The following NEK6 variants were observed in gnomAD, a reference collection of about 807,000 sequenced individuals.
NEK6 encodes the protein NIMA related kinase 6.
A neutral mutation model predicts 43.5 loss-of-function variants in NEK6; 27 were observed. That is an observed-to-expected ratio of 0.62 (90% confidence interval 0.46 to 0.86). NEK6 has a LOEUF of 0.86. Ranked by LOEUF, NEK6 falls within the 40% of genes least tolerant of loss-of-function variation. The pLI is 0.00. For synonymous variants in NEK6, 167 were observed against 164.1 expected (o/e 1.02, Z -0.14); for missense variants, 318 against 414.4 (o/e 0.77, Z 2.02).
At chr9:124,282,500 C>T (rs1831962104) in intron 1 of NEK6, among the ~76,000 whole-genome samples, 1 of 152,160 alleles carries the variant, frequency 6.6e-6, no homozygotes, top group Admixed American at 6.5e-5. Context: ...ACTCTGGGGG[C>T]GTAAGGGATG....
At chr9:124,320,319 C>T (rs1041699590) in intron 4 of NEK6, among the ~76,000 whole-genome samples, 32 of 152,284 alleles carry the variant, frequency 2.1e-4, no homozygotes, top group African/African-American at 7.2e-4. Flanking sequence ...TGCTCTGGCC[C>T]CCAGGGCCCA....
intron 1 of NEK6, among the ~76,000 whole-genome samples, chr9:124,258,792 G>A (rs1435659714): frequency 2.0e-5 from 3 of 152,222 alleles, no homozygotes; most frequent in African/African-American, 4.8e-5. Context: ...AGAGGCAAAG[G>A]TCTTAGAGCC....
At chr9:124,335,270 G>A (rs921170643) in intron 7 of NEK6, among the ~76,000 whole-genome samples, 7 of 151,876 alleles carry the variant, frequency 4.6e-5, no homozygotes, top group East Asian at 1.9e-4. Flanking sequence ...TTGCTCCCTC[G>A]TGACCAAAAT....
chr9:124,350,936 T>G lies in NEK6; in HGVS notation c.931T>G (p.Ser311Ala). Residue 311 changes from serine (S) to alanine (A), a missense_variant, in exon 10 of 10, where the codon TCC (serine) becomes GCC (alanine). Physicochemically the swap from Ser to Ala is moderately conservative, Grantham distance 99. Transcript: ENST00000320246. ...QVAKQMHIWM[S>A]ST is the part of the protein sequence containing the mutation. ...GGCCAAGCAGATGCACATCTGGATG[T>G]CCAGCACCTGAGCGTGGATGCACCG... is the stretch of plus-strand genomic sequence containing the variant. 6.2e-7 allele frequency: 1 copy of G among 1,608,450 alleles called. No individual in the cohort carries two copies. Among genetic ancestry groups the G allele is most frequent in the Non-Finnish European group, 8.5e-7 (1 of 1,179,010 alleles).
In NEK6 at chr9:124,347,930, C is replaced by T. The variant is rs867390573; in HGVS notation, c.831+108C>T. The T allele has an allele frequency of 1.2e-5, 8 of 667,548 alleles. No homozygotes were observed. The Middle Eastern group carries it at 1.7e-3, about 142-fold the overall frequency. The allele number at this position is 667,548 out of a possible 1,614,324, so 41.4% of individuals were successfully genotyped here. ...TGGGGCTGAGGTTAGGCTCACTTTA[C>T]ACGGTGCAGAAAGGGAGCTTTCTGG... is the stretch of plus-strand genomic sequence containing the variant. On this transcript the variant is annotated intron_variant, in intron 9 of 9. Transcript: ENST00000320246.
intron 4 of NEK6, among the ~76,000 whole-genome samples, chr9:124,320,747 A>G (rs1393530030): frequency 6.6e-6 from 1 of 152,208 alleles, no homozygotes; most frequent in African/African-American, 2.4e-5. Flanking sequence ...GCAGCGTCTC[A>G]GCATGAGCAA....
intron 8 of NEK6, among the ~76,000 whole-genome samples, chr9:124,344,720 G>A (rs1309070359): frequency 6.6e-6 from 1 of 152,226 alleles, no homozygotes; most frequent in Non-Finnish European, 1.5e-5. Context: ...TAGAGGAATT[G>A]GCTCATTCAG....
intron 1 of NEK6, among the ~76,000 whole-genome samples, chr9:124,276,281 T>C (rs1033800803): frequency 6.6e-6 from 1 of 152,116 alleles, no homozygotes; most frequent in Non-Finnish European, 1.5e-5. Context: ...GTCTCAGGAA[T>C]CATCTCTGGA....
chr9:124,304,397 C>T (rs547192059), intron 2 of NEK6, among the ~76,000 whole-genome samples: 3 of 152,338 alleles, frequency 2.0e-5, no homozygotes, highest in East Asian at 1.9e-4. Flanking sequence ...AGGCTGTTTC[C>T]GCACCCAGCT....
At chr9:124,315,980 G>A (rs114533933) in intron 4 of NEK6, among the ~76,000 whole-genome samples, 37 of 152,362 alleles carry the variant, frequency 2.4e-4, no homozygotes, top group African/African-American at 8.7e-4. Context: ...GCTCAGGGCA[G>A]CGCTGGTGTG....
intron 1 of NEK6, among the ~76,000 whole-genome samples, chr9:124,269,816 AG>A (rs1411701899): frequency 1.3e-5 from 2 of 151,952 alleles, no homozygotes; most frequent in Non-Finnish European, 2.9e-5. Flanking sequence ...GGTTTTGCAG[AG>A]TCATTAAGGG....
At chr9:124,329,175 C>CA (rs1828835665) in intron 7 of NEK6, among the ~76,000 whole-genome samples, 1 of 152,238 alleles carries the variant, frequency 6.6e-6, no homozygotes, top group South Asian at 2.1e-4. Context: ...CTTGTCCCCT[C>CA]AAACATTTAC....
At chr9:124,289,983 C>G (rs557823024) in intron 1 of NEK6, among the ~76,000 whole-genome samples, 38 of 152,324 alleles carry the variant, frequency 2.5e-4, no homozygotes, top group Admixed American at 7.2e-4. Flanking sequence ...CACATACTTC[C>G]TAAGCCCAAC....
chr9:124,295,830 A>G (rs1162166696), intron 1 of NEK6, among the ~76,000 whole-genome samples: 3 of 152,242 alleles, frequency 2.0e-5, no homozygotes, highest in East Asian at 1.9e-4. Context: ...GTAATTGCTC[A>G]GTCTGGCTGG....
chr9:124,267,336 G>A (rs1831268077), intron 1 of NEK6, among the ~76,000 whole-genome samples: 1 of 152,228 alleles, frequency 6.6e-6, no homozygotes, highest in Admixed American at 6.5e-5. Flanking sequence ...GAGGGAGTCC[G>A]CCCCTGGGCT....
intron 2 of NEK6, among the ~76,000 whole-genome samples, chr9:124,302,315 T>G (rs1408325131): frequency 6.6e-6 from 1 of 152,018 alleles, no homozygotes; most frequent in African/African-American, 2.4e-5. Flanking sequence ...GTGTTCCAAG[T>G]GGATGGAACA....
At position 124,306,776 on chromosome 9, in the gene NEK6, CTT is replaced by C. The variant is rs1833274254; in HGVS notation, c.90+4724_90+4725del. On this transcript the variant is annotated intron_variant, in intron 2 of 9. Coordinates refer to ENST00000320246, the MANE Select transcript of NEK6 (RefSeq NM_014397.6). ...CAGAAGAAGTCTGACAATGTGAACT[CTT>C]TGTAAATTGTGCCCTTTTGTGCAAC... 2.6e-5 allele frequency among the ~76,000 whole-genome samples: 4 copies of C among 152,204 alleles called. No homozygotes were observed. The South Asian group carries it at 8.3e-4, about 32-fold the overall frequency.
intron 7 of NEK6, among the ~76,000 whole-genome samples, chr9:124,330,105 A>T (rs1365679254): frequency 6.6e-6 from 1 of 152,002 alleles, no homozygotes; most frequent in Non-Finnish European, 1.5e-5. Flanking sequence ...ATTTGCTAAC[A>T]CGAGGCTGGC....
chr9:124,283,943 C>A (rs2119003284), intron 1 of NEK6, among the ~76,000 whole-genome samples: 1 of 152,364 alleles, frequency 6.6e-6, no homozygotes, highest in South Asian at 2.1e-4. Context: ...GTCCCCCTTG[C>A]CTGGCACACG....
Sources: allele counts gnomAD v4.1 joint callset (sites outside exome capture counted in the v4.1 genomes callset), GRCh38; gene constraint gnomAD v4.1.1; transcripts MANE v1.5; gene names NCBI Gene and HGNC (gene_info 2026-07-23, HGNC 2026-07-21).